FLG2: variants seen among roughly 807,000 people sequenced by gnomAD.
FLG2 encodes filaggrin 2, also known as filaggrin-2.
Under a neutral mutation model 3.9 loss-of-function variants are expected in FLG2, and 7 were observed. The observed-to-expected ratio is 1.79, with a 90% CI of 1.02 to 3.36. The LOEUF (loss-of-function observed/expected upper bound fraction) is 3.36, where lower values mean the gene tolerates loss of function less well. Ranked by LOEUF, FLG2 falls within the 30% of genes most tolerant of loss-of-function variation. The probability of loss-of-function intolerance (pLI) is 0.00; values close to 1 mark genes in which losing one functional copy is unlikely to be tolerated. For missense variants in FLG2, 2,700 were observed against 2,809.4 expected, an observed-to-expected ratio of 0.96 and a Z score of 0.88; for synonymous variants, 1,031 against 1,056.1, an observed-to-expected ratio of 0.98 and a Z score of 0.46.
At chr1:152,358,638 G>C in intron 2 of FLG2, 109 bp downstream of exon 2, 1 of 1,040,188 alleles carries the variant, frequency 9.6e-7, no homozygotes, top group Non-Finnish European at 1.4e-6. Flanking sequence ...ACCACTCATA[G>C]AGTTTGCTTA....
chr1:152,351,991 T>C lies in FLG2; in HGVS notation c.5795A>G (p.His1932Arg). The C allele has an allele frequency of 6.2e-7, 1 of 1,613,812 alleles. No individual in the cohort carries two copies. The highest frequency in any genetic ancestry group is 8.5e-7 in the Non-Finnish European group (1 of 1,179,938). ...THGQTGDTTE[H>R]GHPSHGQTIQ... is the part of the protein sequence containing the mutation. ...GGTTTGTCCATGACTAGGGTGGCCA[T>C]GTTCAGTGGTATCTCCTGTCTGTCC... The change falls in exon 3 of 3, where the codon CAT becomes CGT. Residue 1932 changes from histidine (H) to arginine (R), a missense_variant. His to Arg is a conservative substitution (Grantham distance 29, BLOSUM62 0). Coordinates refer to ENST00000388718, the MANE Select transcript of FLG2 (RefSeq NM_001014342.3).
chr1:152,350,320 A>G lies in FLG2; in HGVS notation c.*290T>C, dbSNP rs895513624. ...AGATTTTGAATGGCCATGAACTGAT[A>G]TGGATTGTCCATGGCCAAATCCAAG... On this transcript the variant is annotated 3_prime_UTR_variant, in exon 3 of 3. Coordinates refer to ENST00000388718, the MANE Select transcript of FLG2 (RefSeq NM_001014342.3). 2.5e-5 allele frequency: 11 copies of G among 435,620 alleles called. No individual in the cohort carries two copies. Among genetic ancestry groups the G allele is most frequent in the African/African-American group, 2.2e-4 (11 of 50,788 alleles). 27.0% of individuals were successfully genotyped at this position (435,620 alleles called of 1,614,324 possible). A position where few individuals can be genotyped will look rare whatever the true frequency, so the allele number is the denominator to read the frequency against.
In FLG2 at chr1:152,350,787, A is replaced by G. The variant is rs1267273655; in HGVS notation, c.6999T>C (p.Ser2333=). The G allele has an allele frequency of 1.2e-6, 2 of 1,614,146 alleles. No individual in the cohort carries two copies. The highest frequency in any genetic ancestry group is 1.7e-6 in the Non-Finnish European group (2 of 1,180,038). Residue 2333 remains serine, a synonymous_variant, in exon 3 of 3, where the codon AGT becomes AGC. Transcript: ENST00000388718. ...GACTTGATCCATGCCTTTGCCTTTC[A>G]CTACTATGTGACTGAAAATGACTTG... ...SRASHFQSHS[S]ERQRHGSSQV... is the part of the protein sequence containing the mutation.
At position 152,355,250 on chromosome 1, in the gene FLG2, C is replaced by T; in HGVS notation, c.2536G>A (p.Gly846Ser). Residue 846 changes from glycine (G) to serine (S), a missense_variant, in exon 3 of 3, where the codon GGC (glycine) becomes AGC (serine). Coordinates refer to ENST00000388718, the MANE Select transcript of FLG2 (RefSeq NM_001014342.3). Reference protein sequence around the residue: ...HESRSHQSSYGQHGSGSSQSS... With the variant: ...HESRSHQSSYSQHGSGSSQSS... ...TGACTTGAGCCAGAACCATGTTGGC[C>T]ATAGCTGGACTGATGTGATCTAGAC... The T allele has an allele frequency of 6.2e-7, 1 of 1,612,570 alleles. No homozygotes were observed. Among genetic ancestry groups the T allele is most frequent in the African/African-American group, 1.3e-5 (1 of 74,810 alleles).
Position 152,350,750 on chromosome 1 carries a change from GTTTCCAAACCT to G in FLG2, c.7025_7035del (p.Gln2342ProfsTer10), listed in dbSNP as rs754206719. The G allele has an allele frequency of 8.1e-6, 13 of 1,614,094 alleles. No individual in the cohort carries two copies. The highest frequency in any genetic ancestry group is 1.1e-5 in the Non-Finnish European group (13 of 1,180,052). ...TATTCTGCAGGTCCATAGCTGCCAT[GTTTCCAAACCT>G]GACTTGATCCATGCCTTTGCCTTTC... On this transcript the variant is annotated frameshift_variant, in exon 3 of 3. Coordinates refer to ENST00000388718, the MANE Select transcript of FLG2 (RefSeq NM_001014342.3). LOFTEE classifies it low-confidence loss of function (END_TRUNC).
chr1:152,351,700 C>A lies in FLG2; in HGVS notation c.6086G>T (p.Gly2029Val), dbSNP rs1486568010. The A allele has an allele frequency of 6.2e-7, 1 of 1,610,280 alleles. No homozygotes were observed. The highest frequency in any genetic ancestry group is 1.4e-5 in the African/African-American group (1 of 73,494). Residue 2029 changes from glycine (G) to valine (V), a missense_variant, in exon 3 of 3, where the codon GGC becomes GTC. Gly to Val is a moderately radical substitution (Grantham distance 109). Transcript: ENST00000388718. Reference sequence around the variant, plus strand: ...TTCACTGTCACTGTACTCACTGTGGCCAGATGCCCTTCTTCCAGTTGTCCT... The same window carrying A: ...TTCACTGTCACTGTACTCACTGTGGACAGATGCCCTTCTTCCAGTTGTCCT... ...GSRTTGRRAS[G>V]HSEYSDSEGH...
chr1:152,351,857 C>T lies in FLG2; in HGVS notation c.5929G>A (p.Gly1977Ser), dbSNP rs148541975. The change falls in exon 3 of 3, where the codon GGT becomes AGT. Residue 1977 changes from glycine (G) to serine (S), a missense_variant. Transcript: ENST00000388718. ...TCTGGATAGTGAGATCCAGCTTGAC[C>T]GTGAGTGTGTCCTGAATGTGTGTGT... Reference protein sequence around the residue: ...VSHTHSGHTHGQAGSHYPESG... With the variant: ...VSHTHSGHTHSQAGSHYPESG... 1.8e-4 allele frequency: 283 copies of T among 1,612,502 alleles called. No homozygotes were observed. In the African/African-American group the frequency reaches 2.1e-3, roughly 12 times the overall value.
rs150325245 is a variant in FLG2 at position 152,354,583 on chromosome 1, T to A, written c.3203A>T (p.Glu1068Val). ...SGQSSGFGQYESRSRQSSYGQ... is the reference protein window; with the variant it reads ...SGQSSGFGQYVSRSRQSSYGQ... ...ATAGCTAGACTGACGTGATCTAGAC[T>A]CATATTGTCCAAAACCAGAGGATTG... is the stretch of plus-strand genomic sequence containing the variant. The change falls in exon 3 of 3, where the codon GAG (glutamate) becomes GTG (valine). Residue 1068 changes from glutamate to valine, a missense_variant. Transcript: ENST00000388718. 1.2e-6 allele frequency: 2 copies of A among 1,613,366 alleles called. No homozygotes were observed. The highest frequency in any genetic ancestry group is 1.7e-6 in the Non-Finnish European group (2 of 1,179,844).
At chr1:152,359,776 C>T (rs1002057793) in intron 1 of FLG2, among the ~76,000 whole-genome samples, 180 bp downstream of exon 1, 6 of 151,514 alleles carry the variant, frequency 4.0e-5, no homozygotes, top group African/African-American at 1.5e-4. Context: ...AAAAAGGCCC[C>T]AGAATAAACT....
chr1:152,356,765 G>A lies in FLG2; in HGVS notation c.1021C>T (p.Pro341Ser), dbSNP rs775484933. 6.2e-7 allele frequency: 1 copy of A among 1,614,170 alleles called. No individual in the cohort carries two copies. Residue 341 changes from proline to serine, a missense_variant, in exon 3 of 3, where the codon CCT becomes TCT. By Grantham distance (74) the Pro-to-Ser change is moderately conservative. Coordinates refer to ENST00000388718, the MANE Select transcript of FLG2 (RefSeq NM_001014342.3). ...SGGQPSGCGQ[P>S]ESNPCSQSYS... ...GACTGACTACAGGGGTTAGACTCAG[G>A]TTGACCACATCCAGAGGGCTGACCT... is the stretch of plus-strand genomic sequence containing the variant.
Position 152,354,802 on chromosome 1 carries a change from C to G in FLG2, c.2984G>C (p.Ser995Thr), listed in dbSNP as rs536296630. 1.2e-6 allele frequency: 2 copies of G among 1,606,394 alleles called. No homozygotes were observed. The highest frequency in any genetic ancestry group is 2.8e-5 in the African/African-American group (2 of 72,034). ...SGFGQHESRS[S>T]QSNYGQHGSG... Reference sequence around the variant, plus strand: ...ACCATGTTGGCCATAATTAGACTGACTTGATCTAGACTCATGCTGTCCAAA... The same window carrying G: ...ACCATGTTGGCCATAATTAGACTGAGTTGATCTAGACTCATGCTGTCCAAA... Residue 995 changes from serine to threonine, a missense_variant, in exon 3 of 3, where the codon AGT becomes ACT. Physicochemically the swap from Ser to Thr is moderately conservative, Grantham distance 58. Coordinates refer to ENST00000388718, the MANE Select transcript of FLG2 (RefSeq NM_001014342.3).
rs1468586815 is a variant in FLG2, at chr1:152,352,056, C to T, written c.5730G>A (p.Glu1910=). ...THSQARSQHG[E]SESTVHKRHQ... ...GTCTCTTGTGAACTGTGGATTCTGA[C>T]TCTCCATGTTGAGACCTGGCTTGGC... Residue 1910 remains glutamate, a synonymous_variant, in exon 3 of 3, where the codon GAG becomes GAA. Transcript: ENST00000388718. 3 of 1,613,566 alleles carry T rather than the reference C, an allele frequency of 1.9e-6. No homozygotes were observed. The highest frequency in any genetic ancestry group is 2.5e-6 in the Non-Finnish European group (3 of 1,179,948).
chr1:152,353,210 C>T lies in FLG2; in HGVS notation c.4576G>A (p.Gly1526Arg). ...THSGHTHGQS[G>R]SQHGESESII... ...GATTCTGACTCTCCATGTTGAGATC[C>T]ACTTTGGCCGTGAGTGTGTCCTGAA... Residue 1526 changes from glycine (G) to arginine (R), a missense_variant, in exon 3 of 3, where the codon GGA becomes AGA. Coordinates refer to ENST00000388718, the MANE Select transcript of FLG2 (RefSeq NM_001014342.3). 1 of 1,607,816 alleles carries T rather than the reference C, an allele frequency of 6.2e-7. No individual in the cohort carries two copies. Among genetic ancestry groups the T allele is most frequent in the Non-Finnish European group, 8.5e-7 (1 of 1,177,868 alleles).
Position 152,354,628 on chromosome 1 carries a change from T to G in FLG2, c.3158A>C (p.Gln1053Pro), listed in dbSNP as rs551695204. The G allele has an allele frequency of 1.8e-5, 29 of 1,614,108 alleles. No homozygotes were observed. In the South Asian group the frequency reaches 3.2e-4, roughly 18 times the overall value. ...GGATTGTCCTGAACCAGTCCCATGT[T>G]GTCCAAAGCCAGAGGACTGATCTGA... The part of the protein sequence containing the change: ...SGSDQSSGFG[Q>P]HGTGSGQSSG... The change falls in exon 3 of 3, where the codon CAA becomes CCA. Residue 1053 changes from glutamine to proline, a missense_variant. Gln to Pro is a moderately conservative substitution (Grantham distance 76). Transcript: ENST00000388718.
Position 152,350,876 on chromosome 1 carries a change from T to A in FLG2, c.6910A>T (p.Thr2304Ser), listed in dbSNP as rs1484587364. 6.2e-7 allele frequency: 1 copy of A among 1,614,186 alleles called. No homozygotes were observed. The highest frequency in any genetic ancestry group is 1.3e-5 in the African/African-American group (1 of 75,046). The change falls in exon 3 of 3, where the codon ACC becomes TCC. Residue 2304 changes from threonine to serine, a missense_variant. Coordinates refer to ENST00000388718, the MANE Select transcript of FLG2 (RefSeq NM_001014342.3). Reference sequence around the variant, plus strand: ...TAACCAGAATGGCCATGTCTAGTGGTATCTCCTGTCTGTCCATGAGTAGTT... The same window carrying A: ...TAACCAGAATGGCCATGTCTAGTGGAATCTCCTGTCTGTCCATGAGTAGTT... ...LETTHGQTGD[T>S]TRHGHSGYGQ... is the part of the protein sequence containing the mutation.
rs1312198214 is a variant in FLG2, at chr1:152,355,486, T to A, written c.2300A>T (p.Gln767Leu). 2.5e-6 allele frequency: 4 copies of A among 1,612,974 alleles called. No homozygotes were observed. The highest frequency in any genetic ancestry group is 3.4e-6 in the Non-Finnish European group (4 of 1,179,828). The change falls in exon 3 of 3, where the codon CAG becomes CTG. Residue 767 changes from glutamine to leucine, a missense_variant. Gln to Leu is a moderately radical substitution (Grantham distance 113). Coordinates refer to ENST00000388718, the MANE Select transcript of FLG2 (RefSeq NM_001014342.3). ...AGAACTGTGTTGGCCATAGCTAGACTGACCTGATCTAGACTCATGTTGTCC... is the reference window on the plus strand; with the variant it reads ...AGAACTGTGTTGGCCATAGCTAGACAGACCTGATCTAGACTCATGTTGTCC... ...GFGQHESRSG[Q>L]SSYGQHSSGS...
rs749358253 is a variant in FLG2 at position 152,356,003 on chromosome 1, G to A, written c.1783C>T (p.Gln595Ter). ...SGSGQSSGFG[Q>*]HGSGSGQSSG... ...GATTGTCCTGAGCCAGACCCATGTTGTCCAAAGCCAGAGGACTGACCTGAG... is the reference window on the plus strand; with the variant it reads ...GATTGTCCTGAGCCAGACCCATGTTATCCAAAGCCAGAGGACTGACCTGAG... The change falls in exon 3 of 3, where the codon CAA (glutamine) becomes TAA (stop). Residue 595 changes from glutamine to a stop codon, truncating the protein, a stop_gained. Coordinates refer to ENST00000388718, the MANE Select transcript of FLG2 (RefSeq NM_001014342.3). LOFTEE classifies it low-confidence loss of function (END_TRUNC). 3.1e-6 allele frequency: 5 copies of A among 1,613,346 alleles called. No homozygotes were observed. In the African/African-American group the frequency reaches 5.4e-5, roughly 17 times the overall value.
rs780889337 is a variant in FLG2 at position 152,358,795 on chromosome 1, C to T, written c.90G>A (p.Lys30=). 1.9e-6 allele frequency: 3 copies of T among 1,614,056 alleles called. No individual in the cohort carries two copies. Among genetic ancestry groups the T allele is most frequent in the South Asian group, 1.1e-5 (1 of 91,070 alleles). Residue 30 remains lysine, a synonymous_variant, in exon 2 of 3, where the codon AAG becomes AAA. Transcript: ENST00000388718. The part of the protein sequence containing the change: ...KQDGECGTLS[K]GELKELLEKE... ...TCTCCAGAAGTTCCTTTAGTTCACCCTTGCTCAGTGTGCCACACTCCCCAT... is the reference window on the plus strand; with the variant it reads ...TCTCCAGAAGTTCCTTTAGTTCACCTTTGCTCAGTGTGCCACACTCCCCAT...
chr1:152,355,881 C>T lies in FLG2; in HGVS notation c.1905G>A (p.Gly635=). The change falls in exon 3 of 3, where the codon GGG becomes GGA. Residue 635 remains glycine (G), a synonymous_variant. Transcript: ENST00000388718. ...GTCCAAAGCCAGATGTCTGTCTAGA[C>T]CCATGTTGGCCATAGCCAGATGACT... is the stretch of plus-strand genomic sequence containing the variant. ...SSQSSGYGQH[G]SRQTSGFGQH... The T allele has an allele frequency of 1.9e-6, 3 of 1,609,652 alleles. No homozygotes were observed. The highest frequency in any genetic ancestry group is 2.5e-6 in the Non-Finnish European group (3 of 1,179,312).
Sources: gnomAD v4.1 joint callset for allele counts (sites outside exome capture counted in the v4.1 genomes callset) on GRCh38, gnomAD v4.1.1 for gene constraint, MANE v1.5 for transcripts, NCBI Gene and HGNC (gene_info 2026-07-23, HGNC 2026-07-21) for gene names.